MAGI1: variants seen among roughly 807,000 people sequenced by gnomAD.
MAGI1 encodes membrane associated guanylate kinase, WW and PDZ domain containing 1, also known as membrane-associated guanylate kinase, WW and PDZ domain-containing protein 1.
MAGI1 carries 58 observed loss-of-function variants against 139.9 expected under a neutral mutation model. That is an observed-to-expected ratio of 0.41 (90% CI 0.34 to 0.52). The LOEUF (loss-of-function observed/expected upper bound fraction) is 0.52. Among genes scored for constraint, MAGI1 ranks in the 20% least tolerant of loss-of-function variants. The probability of loss-of-function intolerance (pLI) is 0.12; values close to 1 mark genes in which losing one functional copy is unlikely to be tolerated. For missense variants in MAGI1, 1,874 were observed against 1,901.6 expected (o/e 0.99, Z 0.27); for synonymous variants, 812 against 737.9 (o/e 1.10, Z -1.63).
rs780467950 is a variant in MAGI1, at chr3:65,493,504, T to C, written c.550+8A>G. Reference sequence around the variant, plus strand: ...GAAGCTTTTTATGCTGTCGTACAAGTAACTCACCTTCATAGGTGCCGACTT... The same window carrying C: ...GAAGCTTTTTATGCTGTCGTACAAGCAACTCACCTTCATAGGTGCCGACTT... On this transcript the variant is annotated splice_region_variant and intron_variant, in intron 3 of 22. Coordinates refer to ENST00000402939, the MANE Select transcript of MAGI1 (RefSeq NM_001033057.2). 1 of 1,614,168 alleles carries C rather than the reference T, an allele frequency of 6.2e-7. No individual in the cohort carries two copies. The highest frequency in any genetic ancestry group is 8.5e-7 in the Non-Finnish European group (1 of 1,180,030).
At chr3:65,951,581 T>C (rs2063865885) in intron 1 of MAGI1, among the ~76,000 whole-genome samples, 1 of 152,246 alleles carries the variant, frequency 6.6e-6, no homozygotes, top group Admixed American at 6.5e-5. Context: ...ATTTTAAATA[T>C]ATCTAATTGA....
chr3:65,821,555 A>C (rs2041952775), intron 1 of MAGI1, among the ~76,000 whole-genome samples: 1 of 152,228 alleles, frequency 6.6e-6, no homozygotes, highest in African/African-American at 2.4e-5. Context: ...TGAACCACTA[A>C]AGACTTTGTC....
chr3:65,868,643 C>T (rs1377474286), intron 1 of MAGI1, among the ~76,000 whole-genome samples: 2 of 152,098 alleles, frequency 1.3e-5, no homozygotes, highest in Admixed American at 6.6e-5. Flanking sequence ...CGGCATTATT[C>T]CCTTGAGCAC....
At position 65,738,350 on chromosome 3, in the gene MAGI1, A is replaced by T. The variant is rs540496084; in HGVS notation, c.314-116262T>A. Among the ~76,000 whole-genome samples the T allele has an allele frequency of 2.7e-3, 408 of 152,132 alleles. 1 individual carries two copies. The highest frequency in any genetic ancestry group is 4.8e-3 in the Non-Finnish European group (328 of 68,004). On this transcript the variant is annotated intron_variant, in intron 1 of 22. Transcript: ENST00000402939. ...CCACCCCAAGCCAATTTAAAAAAAA[A>T]ATTTTTTTGTGGAGATGTGGTCTCA...
At chr3:65,953,874 A>G (rs551404337) in intron 1 of MAGI1, among the ~76,000 whole-genome samples, 39 of 152,332 alleles carry the variant, frequency 2.6e-4, no homozygotes, top group African/African-American at 8.7e-4. Flanking sequence ...TATGGCAAAA[A>G]TCTTTAGGAC....
intron 2 of MAGI1, among the ~76,000 whole-genome samples, chr3:65,510,135 A>T (rs542907758): frequency 6.6e-6 from 1 of 152,336 alleles, no homozygotes; most frequent in South Asian, 2.1e-4. Flanking sequence ...AAGGACACCC[A>T]CACCAAAAAC....
At chr3:65,688,805 T>A (rs1211335222) in intron 1 of MAGI1, among the ~76,000 whole-genome samples, 1 of 152,196 alleles carries the variant, frequency 6.6e-6, no homozygotes, top group African/African-American at 2.4e-5. Flanking sequence ...CTTAGCAGGA[T>A]GAATTATCTA....
chr3:65,489,485 G>A (rs1051551604), intron 3 of MAGI1, among the ~76,000 whole-genome samples: 2 of 151,914 alleles, frequency 1.3e-5, no homozygotes, highest in Non-Finnish European at 2.9e-5. Flanking sequence ...TTTATAACAC[G>A]ACCACCAAAA....
At chr3:65,438,544 G>A (rs1025694022) in intron 9 of MAGI1, among the ~76,000 whole-genome samples, 1 of 152,166 alleles carries the variant, frequency 6.6e-6, no homozygotes, top group Admixed American at 6.5e-5. Flanking sequence ...TTTTTAGCTA[G>A]AAAAGAGACT....
intron 3 of MAGI1, among the ~76,000 whole-genome samples, chr3:65,490,935 G>A (rs554163246): frequency 7.9e-5 from 12 of 151,518 alleles, no homozygotes; most frequent in South Asian, 2.1e-4. Flanking sequence ...GCTGAAGAAC[G>A]CTGTACAAAT....
intron 1 of MAGI1, among the ~76,000 whole-genome samples, chr3:65,684,167 C>CAAAAAAAAAA (rs1163089641): frequency 5.6e-4 from 44 of 79,134 alleles, no homozygotes; most frequent in Non-Finnish European, 7.4e-4. Flanking sequence ...GAGACTGTCT[C>CAAAAAAAAAA]AAAAAAAAAA....
intron 2 of MAGI1, among the ~76,000 whole-genome samples, chr3:65,496,222 G>A (rs942907734): frequency 3.6e-4 from 34 of 93,386 alleles, no homozygotes; most frequent in Non-Finnish European, 6.1e-4. Flanking sequence ...TTTTTTTTTT[G>A]TACAAATGGG....
chr3:65,430,942 A>G (rs944382089), intron 10 of MAGI1, 61 bp from the exon 11 acceptor site: 1 of 1,486,144 alleles, frequency 6.7e-7, no homozygotes, highest in Non-Finnish European at 9.3e-7. Context: ...GAATTAAACA[A>G]GATTTGAGAC....
At chr3:65,759,065 C>CAAAAAAAAAAAAAAAAAAAAAAAAAAA (rs200497203) in intron 1 of MAGI1, among the ~76,000 whole-genome samples, 1 of 73,084 alleles carries the variant, frequency 1.4e-5, no homozygotes, top group African/African-American at 5.5e-5. Flanking sequence ...AGGCCCAGTG[C>CAAAAAAAAAAAAAAAAAAAAAAAAAAA]AAAAAAAAAA....
chr3:65,383,548 T>G lies in MAGI1; in HGVS notation c.2492A>C (p.Asn831Thr). The change falls in exon 15 of 23, where the codon AAT (asparagine) becomes ACT (threonine). Residue 831 changes from asparagine (N) to threonine (T), a missense_variant. Coordinates refer to ENST00000402939, the MANE Select transcript of MAGI1 (RefSeq NM_001033057.2). ...TGFGFRILGG[N>T]EPGEPIYIGH... ...AAGACTCACAGGTTCCCCTGGTTCA[T>G]TTCCACCCAGAATCCTAAATCCAAA... The G allele has an allele frequency of 2.5e-6, 4 of 1,613,334 alleles. No individual in the cohort carries two copies. Among genetic ancestry groups the G allele is most frequent in the Non-Finnish European group, 3.4e-6 (4 of 1,179,264 alleles).
chr3:65,923,906 C>T (rs1238087031), intron 1 of MAGI1, among the ~76,000 whole-genome samples: 1 of 152,128 alleles, frequency 6.6e-6, no homozygotes, highest in Non-Finnish European at 1.5e-5. Context: ...AGGATAAGCA[C>T]CTAATCTTGC....
At chr3:65,771,974 G>A (rs546369104) in intron 1 of MAGI1, among the ~76,000 whole-genome samples, 3 of 152,272 alleles carry the variant, frequency 2.0e-5, no homozygotes, top group African/African-American at 4.8e-5. Flanking sequence ...AGGCCGAGGC[G>A]GGTGGATCAC....
At chr3:65,392,404 A>T (rs997115225) in intron 13 of MAGI1, among the ~76,000 whole-genome samples, 1 of 152,182 alleles carries the variant, frequency 6.6e-6, no homozygotes, top group Non-Finnish European at 1.5e-5. Context: ...CATAGACACC[A>T]TGTCACTATA....
rs370825704 is a variant in MAGI1, at chr3:65,480,200, G to A, written c.551-1402C>T. ...ACACAAAAAACCACAAAAGGAGACG[G>A]TAATAGCCTGGTCTCCGTGAGACAT... is the stretch of plus-strand genomic sequence containing the variant. On this transcript the variant is annotated intron_variant, in intron 3 of 22. Transcript: ENST00000402939. 6.6e-5 allele frequency among the ~76,000 whole-genome samples: 10 copies of A among 151,248 alleles called. No individual in the cohort carries two copies. The East Asian group carries it at 1.4e-3, about 21-fold the overall frequency.
Sources: allele counts gnomAD v4.1 joint callset (sites outside exome capture counted in the v4.1 genomes callset), GRCh38; gene constraint gnomAD v4.1.1; transcripts MANE v1.5; gene names NCBI Gene and HGNC (gene_info 2026-07-23, HGNC 2026-07-21).